The following VRK2 variants were observed in gnomAD, a reference collection of about 807,000 sequenced individuals.
VRK2 encodes the protein VRK serine/threonine kinase 2.
In VRK2, 60 loss-of-function variants were observed where a neutral mutation model predicts 57.6. That is an observed-to-expected ratio of 1.04 (90% CI 0.85 to 1.29). The LOEUF (loss-of-function observed/expected upper bound fraction) is 1.29. VRK2 is among the 50% of genes most tolerant of loss of function. VRK2 has a pLI of 0.00. For synonymous variants in VRK2, 231 were observed against 199.2 expected (o/e 1.16, Z -1.35); for missense variants, 705 against 588.1 (o/e 1.20, Z -2.06).
intron 1 of VRK2, among the ~76,000 whole-genome samples, chr2:57,918,343 A>G (rs995328526): frequency 1.3e-5 from 1 of 79,918 alleles, no homozygotes; most frequent in African/African-American, 1.2e-4. Flanking sequence ...GCCACTTTTC[A>G]TTTCATTTTT....
intron 5 of VRK2, 85 bp downstream of exon 5, chr2:58,086,511 T>G: frequency 8.5e-7 from 1 of 1,176,930 alleles, no homozygotes; most frequent in Admixed American, 2.6e-5. Flanking sequence ...TGTAACAAAT[T>G]ACCAAAACAT....
intron 1 of VRK2, among the ~76,000 whole-genome samples, chr2:57,983,298 G>A (rs544086098): frequency 1.4e-4 from 21 of 151,920 alleles, no homozygotes; most frequent in Admixed American, 5.2e-4. Flanking sequence ...TCATATATAC[G>A]TCCTCTGACC....
At chr2:58,025,272 T>C (rs72810308) in intron 1 of VRK2, among the ~76,000 whole-genome samples, 16,584 of 152,168 alleles carry the variant, frequency 0.11, 1,020 homozygotes, top group African/African-American at 0.16. Context: ...ATATTTTTTT[T>C]TTTTTTAACT....
intron 1 of VRK2, among the ~76,000 whole-genome samples, chr2:58,024,208 G>GGAGAGAGGA (rs1213788294): frequency 6.6e-6 from 1 of 152,090 alleles, no homozygotes; most frequent in Admixed American, 6.6e-5. Context: ...ACAAAGATGA[G>GGAGAGAGGA]GAGAGAGGAG....
intron 3 of VRK2, among the ~76,000 whole-genome samples, chr2:58,038,427 C>A (rs1674342382): frequency 1.3e-5 from 2 of 152,092 alleles, no homozygotes; most frequent in African/African-American, 4.8e-5. Flanking sequence ...CATGAGCACA[C>A]ACAGGAAGAA....
At chr2:58,155,934 T>C (rs63350460) in intron 12 of VRK2, among the ~76,000 whole-genome samples, 4 of 148,734 alleles carry the variant, frequency 2.7e-5, no homozygotes, top group Non-Finnish European at 4.5e-5. Context: ...TTTTTTTTTT[T>C]CCAGTCTGTG....
intron 1 of VRK2, among the ~76,000 whole-genome samples, chr2:57,971,967 T>G (rs1672110268): frequency 1.3e-5 from 2 of 151,976 alleles, no homozygotes; most frequent in African/African-American, 4.8e-5. Flanking sequence ...ACCTAATTAC[T>G]GTACCTAATT....
intron 7 of VRK2, among the ~76,000 whole-genome samples, chr2:58,120,196 T>TC (rs1677247914): frequency 7.8e-6 from 1 of 128,096 alleles, no homozygotes; most frequent in Admixed American, 7.6e-5. Flanking sequence ...TTTTTTTTTT[T>TC]TTTTTTTTTT....
intron 12 of VRK2, among the ~76,000 whole-genome samples, chr2:58,158,451 T>C (rs953335358): frequency 6.6e-6 from 1 of 152,154 alleles, no homozygotes; most frequent in Non-Finnish European, 1.5e-5. Flanking sequence ...AAACTCTGTA[T>C]CTAGAAAGGG....
intron 1 of VRK2, among the ~76,000 whole-genome samples, chr2:57,965,861 T>A (rs1403018964): frequency 6.6e-6 from 1 of 152,206 alleles, no homozygotes; most frequent in Non-Finnish European, 1.5e-5. Flanking sequence ...ATAGCATATA[T>A]GAATGGATTC....
At chr2:57,931,290 G>A (rs538940578) in intron 1 of VRK2, among the ~76,000 whole-genome samples, 1 of 151,978 alleles carries the variant, frequency 6.6e-6, no homozygotes, top group African/African-American at 2.4e-5. Flanking sequence ...TGACATCCTT[G>A]GCTGTTATCT....
At chr2:58,092,518 T>C (rs1313417707) in intron 7 of VRK2, among the ~76,000 whole-genome samples, 1 of 152,206 alleles carries the variant, frequency 6.6e-6, no homozygotes, top group African/African-American at 2.4e-5. Flanking sequence ...TGTTTCACTT[T>C]CTTTTGAGTA....
chr2:58,089,518 C>T (rs888559271), intron 6 of VRK2, 113 bp from the exon 7 acceptor site: 14 of 535,088 alleles, frequency 2.6e-5, no homozygotes, highest in Middle Eastern at 5.2e-4. Context: ...TGAAATACAT[C>T]GCTTTGTCAA....
chr2:58,138,322 T>G (rs1680836847), intron 10 of VRK2, among the ~76,000 whole-genome samples: 1 of 152,156 alleles, frequency 6.6e-6, no homozygotes, highest in Admixed American at 6.5e-5. Context: ...GGTGATAAAA[T>G]AGCAGCACTT....
intron 1 of VRK2, among the ~76,000 whole-genome samples, chr2:57,941,912 G>C (rs1033313544): frequency 1.3e-5 from 2 of 152,184 alleles, no homozygotes; most frequent in African/African-American, 2.4e-5. Flanking sequence ...AGTTTGCATT[G>C]TATTTCTATT....
intron 7 of VRK2, among the ~76,000 whole-genome samples, chr2:58,093,078 G>C (rs1672603748): frequency 6.6e-6 from 1 of 152,158 alleles, no homozygotes; most frequent in Non-Finnish European, 1.5e-5. Flanking sequence ...GCACATTTGG[G>C]TTGGTTACAA....
intron 12 of VRK2, among the ~76,000 whole-genome samples, chr2:58,153,318 C>T (rs1380335109): frequency 2.0e-5 from 3 of 151,952 alleles, no homozygotes; most frequent in African/African-American, 7.2e-5. Context: ...AGTTTTTGTC[C>T]ATTCACTATT....
chr2:58,107,005 C>G (rs1240867989), intron 7 of VRK2, among the ~76,000 whole-genome samples: 1 of 151,958 alleles, frequency 6.6e-6, no homozygotes, highest in Admixed American at 6.6e-5. Flanking sequence ...CACAAATTTG[C>G]ATCAAAACAT....
At chr2:57,958,437 GTATATATATTTGTATA>G in intron 1 of VRK2, among the ~76,000 whole-genome samples, 1 of 143,288 alleles carries the variant, frequency 7.0e-6, no homozygotes, top group African/African-American at 2.9e-5. Context: ...GTATATACAT[GTATATATATTTGTATA>G]TATATACATG....
Sources: gnomAD v4.1 joint callset for allele counts (sites outside exome capture counted in the v4.1 genomes callset) on GRCh38, gnomAD v4.1.1 for gene constraint, MANE v1.5 for transcripts, NCBI Gene and HGNC (gene_info 2026-07-23, HGNC 2026-07-21) for gene names.